SCAPER: variants seen among roughly 807,000 people sequenced by gnomAD.
SCAPER encodes the protein S-phase cyclin A associated protein in the ER, also known as S phase cyclin A-associated protein in the endoplasmic reticulum.
In SCAPER, 98 loss-of-function variants were observed where a neutral mutation model predicts 182.2. That is an observed-to-expected ratio of 0.54 (90% confidence interval 0.46 to 0.64). The LOEUF (loss-of-function observed/expected upper bound fraction) is 0.64. Among genes scored for constraint, SCAPER ranks in the 30% least tolerant of loss-of-function variants. The probability of loss-of-function intolerance (pLI) is 0.00; values close to 1 mark genes in which losing one functional copy is unlikely to be tolerated. For missense variants in SCAPER, 1,432 were observed against 1,690.0 expected (o/e 0.85, Z 2.68); for synonymous variants, 605 against 564.6 (o/e 1.07, Z -1.01).
In SCAPER at chr15:76,605,336, C is replaced by T. The variant is rs181098543; in HGVS notation, c.2711+16428G>A. Among the ~76,000 whole-genome samples, 69 of 151,950 alleles carry T rather than the reference C, an allele frequency of 4.5e-4. 1 individual carries two copies. The highest frequency in any genetic ancestry group is 1.7e-3 in the East Asian group (9 of 5,176). On this transcript the variant is annotated intron_variant, in intron 22 of 31. Coordinates refer to ENST00000563290, the MANE Select transcript of SCAPER (RefSeq NM_020843.4). ...ATGCTGGATTATGTTTATTGATTTG[C>T]GTATGTTGAACCAGCCTTGCATCCC...
chr15:76,816,169 T>C (rs1005460186), intron 5 of SCAPER, among the ~76,000 whole-genome samples: 3 of 152,132 alleles, frequency 2.0e-5, no homozygotes, highest in Non-Finnish European at 4.4e-5. Context: ...CTACACAAAA[T>C]CCATACAAAA....
intron 22 of SCAPER, among the ~76,000 whole-genome samples, chr15:76,616,595 TTAA>T (rs1222477530): frequency 1.3e-5 from 2 of 152,152 alleles, no homozygotes; most frequent in Non-Finnish European, 2.9e-5. Context: ...TTAAACTGTA[TTAA>T]TAATGAGTAA....
At chr15:76,722,862 T>C (rs1211929920) in intron 17 of SCAPER, among the ~76,000 whole-genome samples, 2 of 152,192 alleles carry the variant, frequency 1.3e-5, no homozygotes, top group African/African-American at 4.8e-5. Flanking sequence ...ATTTTGCTGA[T>C]CTTTTAAAAA....
chr15:76,657,422 G>C (rs2055742350), intron 21 of SCAPER, among the ~76,000 whole-genome samples: 1 of 151,698 alleles, frequency 6.6e-6, no homozygotes, highest in African/African-American at 2.4e-5. Flanking sequence ...CTATGAACCA[G>C]AAAAAGCCCA....
At chr15:76,680,825 G>C (rs925705674) in intron 20 of SCAPER, among the ~76,000 whole-genome samples, 2 of 152,158 alleles carry the variant, frequency 1.3e-5, no homozygotes, top group African/African-American at 2.4e-5. Context: ...CCAGCTAGCA[G>C]AACTGTCAGC....
At chr15:76,663,299 T>C (rs957416030) in intron 21 of SCAPER, among the ~76,000 whole-genome samples, 1 of 152,152 alleles carries the variant, frequency 6.6e-6, no homozygotes, top group Non-Finnish European at 1.5e-5. Flanking sequence ...TTGGCAAGAA[T>C]GTGAAGGACC....
At chr15:76,699,613 G>A (rs1317287949) in intron 20 of SCAPER, among the ~76,000 whole-genome samples, 4 of 152,196 alleles carry the variant, frequency 2.6e-5, no homozygotes, top group Non-Finnish European at 5.9e-5. Flanking sequence ...GATTTCAGCA[G>A]CGCTGGACTG....
At chr15:76,525,339 AT>A (rs1326984635) in intron 23 of SCAPER, among the ~76,000 whole-genome samples, 7 of 151,892 alleles carry the variant, frequency 4.6e-5, no homozygotes, top group East Asian at 3.9e-4. Flanking sequence ...CTACAGTGTA[AT>A]TTTTTTTCTT....
intron 22 of SCAPER, among the ~76,000 whole-genome samples, chr15:76,610,334 C>T (rs568060258): frequency 6.6e-6 from 1 of 152,252 alleles, no homozygotes; most frequent in African/African-American, 2.4e-5. Context: ...CACAATCAAC[C>T]CCAGACCTCA....
intron 23 of SCAPER, among the ~76,000 whole-genome samples, chr15:76,545,470 A>C (rs1205380550): frequency 1.3e-5 from 2 of 152,202 alleles, no homozygotes; most frequent in Non-Finnish European, 2.9e-5. Context: ...GTTAGAAAAC[A>C]GACATTTTTA....
At chr15:76,826,113 A>G (rs956861813) in intron 5 of SCAPER, among the ~76,000 whole-genome samples, 1 of 152,184 alleles carries the variant, frequency 6.6e-6, no homozygotes, top group Non-Finnish European at 1.5e-5. Flanking sequence ...AATAGTTAAA[A>G]AAATTTTCAA....
At chr15:76,717,100 C>T (rs1185136666) in intron 17 of SCAPER, among the ~76,000 whole-genome samples, 1 of 135,510 alleles carries the variant, frequency 7.4e-6, no homozygotes, top group African/African-American at 2.8e-5. Context: ...AGAAACCTTA[C>T]AAGCCTGGAG....
intron 16 of SCAPER, among the ~76,000 whole-genome samples, chr15:76,732,535 C>G (rs962314233): frequency 6.6e-6 from 1 of 151,192 alleles, no homozygotes. Context: ...CTAGTGGTAA[C>G]GCCAGCGTCT....
intron 11 of SCAPER, among the ~76,000 whole-genome samples, chr15:76,765,892 C>G (rs1049538184): frequency 6.6e-6 from 1 of 151,984 alleles, no homozygotes; most frequent in Non-Finnish European, 1.5e-5. Flanking sequence ...AATATATTGG[C>G]CTTATCCTAT....
chr15:76,756,015 G>A (rs1348926539), intron 14 of SCAPER, among the ~76,000 whole-genome samples: 2 of 152,094 alleles, frequency 1.3e-5, no homozygotes, highest in Non-Finnish European at 2.9e-5. Flanking sequence ...GTATTTGGGA[G>A]GCAGATAACT....
intron 25 of SCAPER, among the ~76,000 whole-genome samples, chr15:76,457,372 C>T (rs550644143): frequency 2.0e-5 from 3 of 152,252 alleles, no homozygotes; most frequent in South Asian, 2.1e-4. Context: ...TGGCTTTATA[C>T]ATTTAATTAT....
At chr15:76,739,352 T>C (rs931575386) in intron 15 of SCAPER, among the ~76,000 whole-genome samples, 2 of 152,214 alleles carry the variant, frequency 1.3e-5, no homozygotes, top group African/African-American at 4.8e-5. Context: ...CCTTAGTAAG[T>C]TGAGAACTTT....
At chr15:76,780,417 A>G (rs1421216678) in intron 8 of SCAPER, among the ~76,000 whole-genome samples, 2 of 152,228 alleles carry the variant, frequency 1.3e-5, no homozygotes, top group East Asian at 1.9e-4. Flanking sequence ...AGCAAGGCCT[A>G]CTGCCTCTAT....
intron 27 of SCAPER, among the ~76,000 whole-genome samples, chr15:76,403,872 T>G (rs1296771052): frequency 6.6e-6 from 1 of 152,118 alleles, no homozygotes; most frequent in African/African-American, 2.4e-5. Context: ...CTTGTGTCCT[T>G]CCTAGAGAAT....
Sources: allele counts gnomAD v4.1 joint callset (sites outside exome capture counted in the v4.1 genomes callset), GRCh38; gene constraint gnomAD v4.1.1; transcripts MANE v1.5; gene names NCBI Gene and HGNC (gene_info 2026-07-23, HGNC 2026-07-21).